GRID1: variants seen among roughly 807,000 people sequenced by gnomAD.
The protein encoded by GRID1 is glutamate receptor ionotropic, delta-1.
In GRID1, 28 loss-of-function variants were observed where a neutral mutation model predicts 98.0. The ratio of observed to expected loss-of-function variants is 0.29; its 90% CI spans 0.21 to 0.39. The LOEUF (loss-of-function observed/expected upper bound fraction) is 0.39. Among genes scored for constraint, GRID1 ranks in the 10% least tolerant of loss-of-function variants. The pLI is 1.00. For synonymous variants in GRID1, 553 were observed against 538.5 expected (o/e 1.03, Z -0.37); for missense variants, 1,111 against 1,340.5 (o/e 0.83, Z 2.67).
chr10:86,074,975 A>G (rs1479639591), intron 4 of GRID1, among the ~76,000 whole-genome samples: 1 of 152,226 alleles, frequency 6.6e-6, no homozygotes, highest in Non-Finnish European at 1.5e-5. Flanking sequence ...CAGTGTGGGA[A>G]TGAGCCACTG....
At chr10:86,246,964 G>A (rs753438462) in intron 2 of GRID1, among the ~76,000 whole-genome samples, 12 of 152,256 alleles carry the variant, frequency 7.9e-5, no homozygotes, top group Admixed American at 6.5e-4. Flanking sequence ...AAGAATGACT[G>A]ATGTCTCCTC....
chr10:85,761,771 C>A (rs968050264), intron 8 of GRID1, among the ~76,000 whole-genome samples: 1 of 152,098 alleles, frequency 6.6e-6, no homozygotes, highest in African/African-American at 2.4e-5. Flanking sequence ...CCATGGTGGC[C>A]CCTCTGTCTG....
chr10:85,986,911 C>A (rs1842615106), intron 4 of GRID1, among the ~76,000 whole-genome samples: 1 of 152,174 alleles, frequency 6.6e-6, no homozygotes, highest in Non-Finnish European at 1.5e-5. Context: ...TGGCCCCATT[C>A]AGCACTCTCA....
chr10:85,973,787 C>T (rs867691909), intron 4 of GRID1, among the ~76,000 whole-genome samples: 3 of 152,106 alleles, frequency 2.0e-5, no homozygotes, highest in South Asian at 2.1e-4. Context: ...TATTAAGTCT[C>T]CTTGATTATT....
chr10:86,062,160 T>G (rs573147959), intron 4 of GRID1, among the ~76,000 whole-genome samples: 1 of 152,174 alleles, frequency 6.6e-6, no homozygotes, highest in Non-Finnish European at 1.5e-5. Flanking sequence ...GTGCTTTGCA[T>G]CTTACCCCCG....
intron 2 of GRID1, among the ~76,000 whole-genome samples, chr10:86,277,044 T>G (rs1847281963): frequency 6.6e-6 from 1 of 151,952 alleles, no homozygotes; most frequent in East Asian, 1.9e-4. Context: ...AGGATGGTGG[T>G]TTCCAAGAGC....
chr10:85,728,858 C>A (rs752394534), intron 9 of GRID1, among the ~76,000 whole-genome samples: 18 of 152,076 alleles, frequency 1.2e-4, no homozygotes, highest in Non-Finnish European at 1.8e-4. Flanking sequence ...GTTTCTAAGC[C>A]AAGGGAATGC....
chr10:86,317,748 A>T (rs1021063622), intron 2 of GRID1, among the ~76,000 whole-genome samples: 14 of 151,910 alleles, frequency 9.2e-5, no homozygotes, highest in African/African-American at 3.4e-4. Context: ...TTTAATTTTT[A>T]TTTTTATTTT....
At chr10:85,674,859 C>G (rs975049501) in intron 12 of GRID1, among the ~76,000 whole-genome samples, 4 of 152,132 alleles carry the variant, frequency 2.6e-5, no homozygotes, top group African/African-American at 7.2e-5. Context: ...TGTCCTTTAT[C>G]TCAGGAGGAG....
chr10:85,760,149 C>G (rs1842133845), intron 8 of GRID1, among the ~76,000 whole-genome samples: 1 of 152,172 alleles, frequency 6.6e-6, no homozygotes, highest in African/African-American at 2.4e-5. Flanking sequence ...GGTGTCATAA[C>G]AGGAAACTTG....
chr10:85,833,258 T>G (rs1590254925), intron 8 of GRID1, among the ~76,000 whole-genome samples: 1 of 152,146 alleles, frequency 6.6e-6, no homozygotes. Context: ...TTGTCACAAG[T>G]GCCCTGCCTG....
At chr10:86,094,646 G>A (rs1416764365) in intron 4 of GRID1, among the ~76,000 whole-genome samples, 1 of 148,424 alleles carries the variant, frequency 6.7e-6, no homozygotes, top group East Asian at 1.9e-4. Flanking sequence ...TAACAAAGGA[G>A]TCAAAGACCT....
chr10:86,077,353 G>A (rs1256579426), intron 4 of GRID1, among the ~76,000 whole-genome samples: 1 of 152,158 alleles, frequency 6.6e-6, no homozygotes, highest in Non-Finnish European at 1.5e-5. Flanking sequence ...TCACCACCAA[G>A]TCTTCCAACA....
rs549726381 is a variant in GRID1 at position 85,877,733 on chromosome 10, C to T, written c.781-8553G>A. Among the ~76,000 whole-genome samples, 425 of 152,330 alleles carry T rather than the reference C, an allele frequency of 2.8e-3. 2 individuals carry two copies. Among genetic ancestry groups the T allele is most frequent in the Non-Finnish European group, 5.0e-3 (342 of 68,024 alleles). Reference sequence around the variant, plus strand: ...GAGCACCTCTCCTCCTCCAAAGGAACGCAGCTCCTCACCAGCAACGGAACA... The same window carrying T: ...GAGCACCTCTCCTCCTCCAAAGGAATGCAGCTCCTCACCAGCAACGGAACA... On this transcript the variant is annotated intron_variant, in intron 5 of 15. Coordinates refer to ENST00000327946, the MANE Select transcript of GRID1 (RefSeq NM_017551.3).
At chr10:85,690,759 G>A (rs1322353361) in intron 12 of GRID1, among the ~76,000 whole-genome samples, 2 of 151,976 alleles carry the variant, frequency 1.3e-5, no homozygotes, top group South Asian at 4.2e-4. Flanking sequence ...AAATTCACTG[G>A]CATATCAAAT....
intron 8 of GRID1, among the ~76,000 whole-genome samples, chr10:85,798,538 T>C (rs1014260073): frequency 2.0e-5 from 3 of 151,568 alleles, no homozygotes; most frequent in African/African-American, 7.3e-5. Flanking sequence ...ATTTGTTATG[T>C]TTTTTTTGTA....
intron 4 of GRID1, among the ~76,000 whole-genome samples, chr10:85,929,221 T>G (rs76732550): frequency 2.0e-5 from 3 of 152,172 alleles, no homozygotes; most frequent in African/African-American, 7.2e-5. Flanking sequence ...GCCCATTGTG[T>G]GCAAGGCCAG....
chr10:86,335,272 C>T (rs1216824916), intron 2 of GRID1, among the ~76,000 whole-genome samples: 2 of 152,228 alleles, frequency 1.3e-5, no homozygotes, highest in Non-Finnish European at 2.9e-5. Context: ...GTGCTGGGCA[C>T]TCTGTGGGGT....
intron 3 of GRID1, among the ~76,000 whole-genome samples, chr10:86,202,887 C>A (rs1026022484): frequency 4.6e-5 from 7 of 152,216 alleles, no homozygotes; most frequent in African/African-American, 1.7e-4. Flanking sequence ...CTAGAGCATG[C>A]CATGTCCTTC....
Sources: allele counts gnomAD v4.1 joint callset (sites outside exome capture counted in the v4.1 genomes callset), GRCh38; gene constraint gnomAD v4.1.1; transcripts MANE v1.5; gene names NCBI Gene and HGNC (gene_info 2026-07-23, HGNC 2026-07-21).